The following SRGAP1 variants were observed in gnomAD, a reference collection of about 807,000 sequenced individuals.
SRGAP1 encodes SLIT-ROBO Rho GTPase-activating protein 1.
SRGAP1 carries 43 observed loss-of-function variants against 121.9 expected under a neutral mutation model. The ratio of observed to expected loss-of-function variants is 0.35; its 90% CI spans 0.28 to 0.46. The LOEUF (loss-of-function observed/expected upper bound fraction) is 0.46. SRGAP1 is among the 20% of genes least tolerant of loss of function. The pLI is 1.00. For missense variants in SRGAP1, 1,102 were observed against 1,350.9 expected, an observed-to-expected ratio of 0.82 and a Z score of 2.89; for synonymous variants, 447 against 485.4, an observed-to-expected ratio of 0.92 and a Z score of 1.04.
intron 1 of SRGAP1, among the ~76,000 whole-genome samples, chr12:63,924,007 G>A (rs2031164105): frequency 6.6e-6 from 1 of 152,132 alleles, no homozygotes; most frequent in African/African-American, 2.4e-5. Flanking sequence ...CAGGTGTGGT[G>A]GCGGGTACCT....
At chr12:64,073,483 C>T (rs1376982194) in intron 8 of SRGAP1, among the ~76,000 whole-genome samples, 1 of 152,118 alleles carries the variant, frequency 6.6e-6, no homozygotes, top group East Asian at 1.9e-4. Flanking sequence ...TGTCCCTTGG[C>T]ATCCAAGGGG....
chr12:63,903,036 G>T (rs1441014934), intron 1 of SRGAP1, among the ~76,000 whole-genome samples: 1 of 151,946 alleles, frequency 6.6e-6, no homozygotes, highest in Non-Finnish European at 1.5e-5. Flanking sequence ...GGTACTGTAT[G>T]TCTGAAATGA....
At chr12:63,951,956 A>G (rs1051754138) in intron 1 of SRGAP1, among the ~76,000 whole-genome samples, 2 of 152,056 alleles carry the variant, frequency 1.3e-5, no homozygotes, top group Non-Finnish European at 2.9e-5. Flanking sequence ...AGGTGGGGGT[A>G]GGTTAAGTGT....
chr12:64,113,356 C>T (rs570620649), intron 17 of SRGAP1, among the ~76,000 whole-genome samples: 2 of 151,954 alleles, frequency 1.3e-5, no homozygotes, highest in African/African-American at 4.8e-5. Context: ...TGCAGTGAGC[C>T]AAGATCGCGC....
intron 11 of SRGAP1, among the ~76,000 whole-genome samples, chr12:64,087,824 C>A (rs1376589601): frequency 6.6e-6 from 1 of 152,142 alleles, no homozygotes; most frequent in African/African-American, 2.4e-5. Flanking sequence ...CATTTTGATT[C>A]ACTTTAAACA....
chr12:63,883,556 G>A (rs1041777310), intron 1 of SRGAP1, among the ~76,000 whole-genome samples: 8 of 152,042 alleles, frequency 5.3e-5, no homozygotes, highest in African/African-American at 9.7e-5. Context: ...CTCTGGTACC[G>A]GAATATGTCT....
chr12:63,881,228 T>C (rs1900185140), intron 1 of SRGAP1, among the ~76,000 whole-genome samples: 1 of 152,206 alleles, frequency 6.6e-6, no homozygotes, highest in African/African-American at 2.4e-5. Context: ...ATCAAAGTAC[T>C]TGCATGGACT....
intron 1 of SRGAP1, among the ~76,000 whole-genome samples, chr12:63,936,972 C>T (rs2031682866): frequency 6.6e-6 from 1 of 152,134 alleles, no homozygotes; most frequent in African/African-American, 2.4e-5. Context: ...GAGAGAGCGC[C>T]ATATCAGTGG....
chr12:63,989,441 A>G (rs2033497859), intron 2 of SRGAP1, among the ~76,000 whole-genome samples: 1 of 152,228 alleles, frequency 6.6e-6, no homozygotes, highest in Non-Finnish European at 1.5e-5. Flanking sequence ...CCTCAAATTT[A>G]TGTTCCATGG....
At chr12:63,975,497 TA>T (rs1490206226) in intron 1 of SRGAP1, among the ~76,000 whole-genome samples, 1 of 152,244 alleles carries the variant, frequency 6.6e-6, no homozygotes, top group Non-Finnish European at 1.5e-5. Flanking sequence ...TAAGTGAAAT[TA>T]ATTTTAAAAT....
chr12:63,975,723 C>T (rs570578936), intron 1 of SRGAP1, among the ~76,000 whole-genome samples: 38 of 152,216 alleles, frequency 2.5e-4, no homozygotes, highest in African/African-American at 8.7e-4. Flanking sequence ...CTTAAGATTT[C>T]TCCACAATGT....
chr12:63,953,578 GT>G (rs890808876), intron 1 of SRGAP1, among the ~76,000 whole-genome samples: 21 of 144,298 alleles, frequency 1.5e-4, no homozygotes, highest in South Asian at 2.2e-4. Context: ...AATTTTTAAA[GT>G]TTTTTTTTTT....
intron 1 of SRGAP1, among the ~76,000 whole-genome samples, chr12:63,970,253 T>A (rs971221874): frequency 1.3e-5 from 2 of 152,290 alleles, no homozygotes; most frequent in Middle Eastern, 3.4e-3. Context: ...GTGAGAGCTA[T>A]CTGGTGCTGG....
chr12:64,131,442 C>T (rs1220609889), intron 21 of SRGAP1, among the ~76,000 whole-genome samples: 2 of 152,180 alleles, frequency 1.3e-5, no homozygotes, highest in African/African-American at 2.4e-5. Flanking sequence ...GTGCACTGCT[C>T]GAAGTTCTGC....
chr12:63,977,182 A>G (rs1198599419), intron 1 of SRGAP1, among the ~76,000 whole-genome samples: 1 of 152,212 alleles, frequency 6.6e-6, no homozygotes, highest in African/African-American at 2.4e-5. Flanking sequence ...GAGCATGGGA[A>G]TAATCAATAG....
At chr12:63,948,764 A>G (rs916949540) in intron 1 of SRGAP1, among the ~76,000 whole-genome samples, 20 of 143,622 alleles carry the variant, frequency 1.4e-4, no homozygotes, top group African/African-American at 5.0e-4. Flanking sequence ...TATATTTTCC[A>G]TGTATATATA....
At chr12:64,091,431 G>T in intron 12 of SRGAP1, 53 bp downstream of exon 12, 1 of 1,337,312 alleles carries the variant, frequency 7.5e-7, no homozygotes, top group Non-Finnish European at 1.1e-6. Context: ...TACTATAATG[G>T]TCTCAGCCTC....
At chr12:64,074,517 A>G (rs2035699157) in intron 8 of SRGAP1, among the ~76,000 whole-genome samples, 1 of 152,192 alleles carries the variant, frequency 6.6e-6, no homozygotes, top group African/African-American at 2.4e-5. Flanking sequence ...TTTTAGCCCA[A>G]GAAGGCCAGG....
chr12:64,090,571 G>T (rs1160379198), intron 11 of SRGAP1, among the ~76,000 whole-genome samples: 1 of 152,222 alleles, frequency 6.6e-6, no homozygotes. Context: ...TGAGTGAGGT[G>T]GCTCACGCCT....
Sources: gnomAD v4.1 joint callset for allele counts (sites outside exome capture counted in the v4.1 genomes callset) on GRCh38, gnomAD v4.1.1 for gene constraint, MANE v1.5 for transcripts, NCBI Gene and HGNC (gene_info 2026-07-23, HGNC 2026-07-21) for gene names.